Variants in TRAPPC12 observed in about 807,000 individuals in gnomAD.
The protein encoded by TRAPPC12 is trafficking protein particle complex subunit 12, also known as TPR repeat protein 15.
TRAPPC12 carries 61 observed loss-of-function variants against 69.2 expected under a neutral mutation model. The ratio of observed to expected loss-of-function variants is 0.88; its 90% CI spans 0.72 to 1.09. The LOEUF is 1.09. TRAPPC12 is among the 50% of genes least tolerant of loss of function. The pLI, the probability that TRAPPC12 is intolerant of heterozygous loss-of-function variation, is 0.00. For synonymous variants in TRAPPC12, 469 were observed against 438.9 expected (o/e 1.07, Z -0.86); for missense variants, 1,101 against 1,016.4 (o/e 1.08, Z -1.13).
At chr2:3,461,358 G>T (rs952875234) in intron 8 of TRAPPC12, among the ~76,000 whole-genome samples, 2 of 150,766 alleles carry the variant, frequency 1.3e-5, no homozygotes, top group African/African-American at 5.0e-5. Flanking sequence ...CGGCTTTAGC[G>T]CAGCCCCAGT....
intron 5 of TRAPPC12, among the ~76,000 whole-genome samples, chr2:3,435,181 A>G (rs1418851015): frequency 6.6e-6 from 1 of 151,712 alleles, no homozygotes; most frequent in Non-Finnish European, 1.5e-5. Flanking sequence ...CCCAGCTAAT[A>G]TTTGTATTTT....
intron 2 of TRAPPC12, 58 bp downstream of exon 2, chr2:3,388,728 C>A (rs529458069): frequency 1.4e-6 from 2 of 1,431,972 alleles, no homozygotes; most frequent in East Asian, 2.5e-5. Context: ...CTGTGAGATA[C>A]GCACAGTGCC....
intron 1 of TRAPPC12, among the ~76,000 whole-genome samples, chr2:3,384,397 T>C (rs1464448334): frequency 4.6e-5 from 7 of 152,250 alleles, no homozygotes; most frequent in African/African-American, 1.7e-4. Flanking sequence ...TTTCTACTTT[T>C]AAAGAGAATG....
intron 5 of TRAPPC12, among the ~76,000 whole-genome samples, chr2:3,442,441 T>TACA (rs1217959117): frequency 6.6e-6 from 1 of 152,188 alleles, no homozygotes; most frequent in Non-Finnish European, 1.5e-5. Context: ...GACTTAATTG[T>TACA]AGGCCAGTCC....
intron 7 of TRAPPC12, 53 bp downstream of exon 7, chr2:3,457,746 C>A (rs1290090184): frequency 6.3e-7 from 1 of 1,599,924 alleles, no homozygotes; most frequent in Non-Finnish European, 8.5e-7. Flanking sequence ...CACTGACAGA[C>A]TGAGCCCAAA....
rs202064560 is a variant in TRAPPC12, at chr2:3,387,867, G to C, written c.244G>C (p.Ala82Pro). Residue 82 changes from alanine to proline, a missense_variant, in exon 2 of 12, where the codon GCG becomes CCG. Coordinates refer to ENST00000324266, the MANE Select transcript of TRAPPC12 (RefSeq NM_016030.6). ...TGACTCCCCCAACAGCGAGGGCGAC[G>C]CGGGCGACCTGGGCCGAGTGCGGGA... ...ISDSPNSEGDAGDLGRVRDEA... is the reference protein window; with the variant it reads ...ISDSPNSEGDPGDLGRVRDEA... The C allele has an allele frequency of 5.0e-6, 8 of 1,594,170 alleles. No homozygotes were observed. In the Admixed American group the frequency reaches 1.4e-4, roughly 27 times the overall value.
At chr2:3,423,676 C>T (rs530850263) in intron 4 of TRAPPC12, among the ~76,000 whole-genome samples, 1 of 152,180 alleles carries the variant, frequency 6.6e-6, no homozygotes, top group Non-Finnish European at 1.5e-5. Flanking sequence ...GGGATTTCCT[C>T]CATGAAAGCT....
chr2:3,430,967 G>A (rs1663396301), intron 5 of TRAPPC12, among the ~76,000 whole-genome samples: 1 of 151,846 alleles, frequency 6.6e-6, no homozygotes, highest in Admixed American at 6.6e-5. Context: ...TCCACTGGGT[G>A]TGAAGGAGCT....
chr2:3,473,999 G>C (rs1666181264), intron 9 of TRAPPC12, among the ~76,000 whole-genome samples: 1 of 152,162 alleles, frequency 6.6e-6, no homozygotes, highest in African/African-American at 2.4e-5. Flanking sequence ...ACAGCTCACA[G>C]CCATGGACTG....
intron 2 of TRAPPC12, among the ~76,000 whole-genome samples, chr2:3,392,823 C>T (rs772625054): frequency 6.6e-6 from 1 of 152,254 alleles, no homozygotes; most frequent in Non-Finnish European, 1.5e-5. Context: ...AACAGTCCCC[C>T]ATTCTGGGTA....
chr2:3,472,772 C>T (rs971928153), intron 9 of TRAPPC12, among the ~76,000 whole-genome samples: 2 of 152,154 alleles, frequency 1.3e-5, no homozygotes, highest in African/African-American at 2.4e-5. Flanking sequence ...AAATTAAAAA[C>T]GATTCATGGC....
rs958068906 is a variant in TRAPPC12, at chr2:3,443,319, C to T, written c.1418-460C>T. Among the ~76,000 whole-genome samples the T allele has an allele frequency of 7.2e-5, 11 of 152,228 alleles. No homozygotes were observed. In the South Asian group the frequency reaches 8.3e-4, roughly 11 times the overall value. On this transcript the variant is annotated intron_variant, in intron 5 of 11. Coordinates refer to ENST00000324266, the MANE Select transcript of TRAPPC12 (RefSeq NM_016030.6). Reference sequence around the variant, plus strand: ...TTCGCCTCCTCCCCACTGGTTTTCCCGGGAGCACTTCCGGAACCACTGGCT... The same window carrying T: ...TTCGCCTCCTCCCCACTGGTTTTCCTGGGAGCACTTCCGGAACCACTGGCT...
intron 3 of TRAPPC12, among the ~76,000 whole-genome samples, chr2:3,408,915 C>T (rs924247964): frequency 3.3e-5 from 5 of 152,220 alleles, no homozygotes; most frequent in Admixed American, 1.3e-4. Context: ...ATATCCCACA[C>T]GTGCACCTGT....
rs577065557 is a variant in TRAPPC12, at chr2:3,388,286, G to T, written c.663G>T (p.Ser221=). ...CGGCCGCCAGCCACTCCTTGGCCTC[G>T]GACTTCTTCGACTCCTTTACTACCT... is the stretch of plus-strand genomic sequence containing the variant. The part of the protein sequence containing the change: ...GDTAASHSLA[S]DFFDSFTTSA... The change falls in exon 2 of 12, where the codon TCG becomes TCT. Residue 221 remains serine, a synonymous_variant. Coordinates refer to ENST00000324266, the MANE Select transcript of TRAPPC12 (RefSeq NM_016030.6). The T allele has an allele frequency of 6.2e-7, 1 of 1,607,722 alleles. No homozygotes were observed. Among genetic ancestry groups the T allele is most frequent in the African/African-American group, 1.4e-5 (1 of 74,048 alleles).
At chr2:3,392,762 G>T (rs1179503021) in intron 2 of TRAPPC12, among the ~76,000 whole-genome samples, 1 of 152,218 alleles carries the variant, frequency 6.6e-6, no homozygotes, top group East Asian at 1.9e-4. Flanking sequence ...AGCCATTATG[G>T]AAAACATGGA....
intron 1 of TRAPPC12, among the ~76,000 whole-genome samples, 159 bp from the exon 2 acceptor site, chr2:3,387,461 T>C (rs1392940502): frequency 1.3e-5 from 2 of 152,166 alleles, no homozygotes; most frequent in Non-Finnish European, 2.9e-5. Context: ...GAACTTAAGG[T>C]GGTCAATTTT....
At chr2:3,456,957 A>AT (rs1665187046) in intron 6 of TRAPPC12, 16 of 380,868 alleles carry the variant, frequency 4.2e-5, no homozygotes, top group South Asian at 3.2e-4. Context: ...ATACTTCAAG[A>AT]ACATCATAAA....
chr2:3,380,076 G>T (rs114745371), intron 1 of TRAPPC12, among the ~76,000 whole-genome samples, 200 bp downstream of exon 1: 1,805 of 152,294 alleles, frequency 0.012, 44 homozygotes, highest in African/African-American at 0.042. Context: ...GCTCCACGTC[G>T]CCGCGGCCCT....
chr2:3,479,417 A>C lies in TRAPPC12; in HGVS notation c.2164A>C (p.Lys722Gln), dbSNP rs749065963. 3.1e-6 allele frequency: 5 copies of C among 1,614,086 alleles called. No homozygotes were observed. The highest frequency in any genetic ancestry group is 3.4e-6 in the Non-Finnish European group (4 of 1,180,034). Residue 722 changes from lysine to glutamine, a missense_variant, in exon 12 of 12, where the codon AAG becomes CAG. By Grantham distance (53) the Lys-to-Gln change is moderately conservative (BLOSUM62 1). Coordinates refer to ENST00000324266, the MANE Select transcript of TRAPPC12 (RefSeq NM_016030.6). ...KQALLEAVAG[K>Q]EGDSFNTQCL... ...GGCCCTGCTGGAGGCTGTCGCCGGCAAGGAGGGGGACAGCTTCAACACACA... is the reference window on the plus strand; with the variant it reads ...GGCCCTGCTGGAGGCTGTCGCCGGCCAGGAGGGGGACAGCTTCAACACACA...
Sources: gnomAD v4.1 joint callset for allele counts (sites outside exome capture counted in the v4.1 genomes callset) on GRCh38, gnomAD v4.1.1 for gene constraint, MANE v1.5 for transcripts, NCBI Gene and HGNC (gene_info 2026-07-23, HGNC 2026-07-21) for gene names.